TRAPPC9: variants seen among roughly 807,000 people sequenced by gnomAD.
TRAPPC9 encodes trafficking protein particle complex subunit 9, also known as IKK2 binding protein.
A neutral mutation model predicts 124.0 loss-of-function variants in TRAPPC9; 83 were observed. The ratio of observed to expected loss-of-function variants is 0.67; its 90% CI spans 0.56 to 0.80. The LOEUF (loss-of-function observed/expected upper bound fraction) is 0.80, where lower values mean the gene tolerates loss of function less well. TRAPPC9 is among the 30% of genes least tolerant of loss of function. The pLI is 0.00. For missense variants in TRAPPC9, 1,302 were observed against 1,508.3 expected (o/e 0.86, Z 2.27); for synonymous variants, 638 against 617.5 (o/e 1.03, Z -0.49).
intron 21 of TRAPPC9, among the ~76,000 whole-genome samples, chr8:139,794,818 G>A (rs1013045324): frequency 2.6e-5 from 4 of 152,168 alleles, no homozygotes; most frequent in South Asian, 2.1e-4. Context: ...TGTGGGAGTC[G>A]CCTACCATTC....
intron 17 of TRAPPC9, among the ~76,000 whole-genome samples, chr8:140,164,842 A>G (rs1436795668): frequency 3.3e-5 from 5 of 152,144 alleles, no homozygotes; most frequent in African/African-American, 1.2e-4. Flanking sequence ...TCCCCCGTAT[A>G]CAGCCTCTCC....
At chr8:140,179,565 A>T (rs921357727) in intron 17 of TRAPPC9, among the ~76,000 whole-genome samples, 1 of 152,100 alleles carries the variant, frequency 6.6e-6, no homozygotes, top group South Asian at 2.1e-4. Context: ...TTGTTAAGCA[A>T]TCTAGAAATG....
At chr8:139,784,608 C>CATATATATATAT (rs34583867) in intron 21 of TRAPPC9, among the ~76,000 whole-genome samples, 1,434 of 88,342 alleles carry the variant, frequency 0.016, 33 homozygotes, top group Middle Eastern at 0.031. Context: ...AAAAGACTGA[C>CATATATATATAT]ATATATATAT....
At chr8:139,817,213 A>T (rs1327527498) in intron 21 of TRAPPC9, among the ~76,000 whole-genome samples, 2 of 152,082 alleles carry the variant, frequency 1.3e-5, no homozygotes, top group Non-Finnish European at 2.9e-5. Flanking sequence ...GAGTTAAGTC[A>T]ATGAGGTTAG....
At chr8:139,853,012 A>T (rs961140436) in intron 21 of TRAPPC9, among the ~76,000 whole-genome samples, 1 of 152,190 alleles carries the variant, frequency 6.6e-6, no homozygotes, top group Admixed American at 6.5e-5. Context: ...TCATTCGCAA[A>T]GGTTCTTTGT....
chr8:140,315,058 A>G (rs1396839089), intron 9 of TRAPPC9, among the ~76,000 whole-genome samples: 3 of 152,172 alleles, frequency 2.0e-5, no homozygotes, highest in African/African-American at 7.2e-5. Flanking sequence ...TCCCACCAAT[A>G]GCGTGTAAAG....
At chr8:140,219,676 T>C (rs1410087123) in intron 17 of TRAPPC9, among the ~76,000 whole-genome samples, 2 of 152,142 alleles carry the variant, frequency 1.3e-5, no homozygotes, top group African/African-American at 4.8e-5. Context: ...GTCATTAAAC[T>C]ATCTCTTCGC....
intron 7 of TRAPPC9, among the ~76,000 whole-genome samples, chr8:140,394,162 T>C (rs2069019308): frequency 6.6e-6 from 1 of 152,238 alleles, no homozygotes; most frequent in Non-Finnish European, 1.5e-5. Flanking sequence ...CATGCCCAAT[T>C]GAGCAGCATT....
At chr8:140,105,228 G>A (rs915783130) in intron 17 of TRAPPC9, among the ~76,000 whole-genome samples, 4 of 152,216 alleles carry the variant, frequency 2.6e-5, no homozygotes, top group East Asian at 1.9e-4. Flanking sequence ...GGGAAATGGC[G>A]ACTGTGCTCA....
chr8:140,443,271 TA>T lies in TRAPPC9; in HGVS notation c.585-4075del, dbSNP rs1486808791. On this transcript the variant is annotated intron_variant, in intron 2 of 22. Transcript: ENST00000438773. The stretch of plus-strand genomic sequence containing the variant: ...TAACATGATGAAACCCCGTCTCTAC[TA>T]AAAAATACAAAAAATTAGCCAGGCG... Among the ~76,000 whole-genome samples, 88 of 144,726 alleles carry T rather than the reference TA, an allele frequency of 6.1e-4. 1 individual carries two copies. Among genetic ancestry groups the T allele is most frequent in the South Asian group, 3.2e-3 (14 of 4,404 alleles). 94.9% of individuals were successfully genotyped at this position (144,726 alleles called of 152,430 possible).
chr8:140,384,249 T>G (rs1263982925), intron 7 of TRAPPC9, among the ~76,000 whole-genome samples: 3 of 151,642 alleles, frequency 2.0e-5, no homozygotes, highest in Non-Finnish European at 4.4e-5. Context: ...AGAAACTGCA[T>G]CAATTAACGA....
intron 17 of TRAPPC9, among the ~76,000 whole-genome samples, chr8:140,112,457 T>A (rs190457962): frequency 1.3e-3 from 194 of 151,876 alleles, no homozygotes; most frequent in African/African-American, 4.4e-3. Context: ...AATGGAGAAT[T>A]CCAGACGATG....
At chr8:139,808,813 G>A (rs56108127) in intron 21 of TRAPPC9, among the ~76,000 whole-genome samples, 1,904 of 152,178 alleles carry the variant, frequency 0.013, 42 homozygotes, top group African/African-American at 0.044. Flanking sequence ...TTTTCTGGCT[G>A]AGTAGTATTC....
chr8:139,895,881 G>A (rs2131184826), intron 20 of TRAPPC9, among the ~76,000 whole-genome samples: 1 of 152,310 alleles, frequency 6.6e-6, no homozygotes, highest in South Asian at 2.1e-4. Flanking sequence ...GGCTTTGGAG[G>A]CAGGCAGCAG....
intron 21 of TRAPPC9, among the ~76,000 whole-genome samples, chr8:139,856,117 G>A (rs191757618): frequency 1.3e-5 from 2 of 152,266 alleles, no homozygotes; most frequent in East Asian, 3.9e-4. Flanking sequence ...CCAGGGACAC[G>A]GAGCACAGAC....
At chr8:140,197,230 T>C (rs1306427221) in intron 17 of TRAPPC9, among the ~76,000 whole-genome samples, 2 of 152,058 alleles carry the variant, frequency 1.3e-5, no homozygotes, top group Non-Finnish European at 2.9e-5. Flanking sequence ...TTGAGACAAA[T>C]GTAGGATAAT....
intron 17 of TRAPPC9, among the ~76,000 whole-genome samples, chr8:140,199,760 T>G (rs545474908): frequency 2.0e-5 from 3 of 152,156 alleles, no homozygotes; most frequent in Non-Finnish European, 4.4e-5. Context: ...AAAAACACTT[T>G]TGAGAATACA....
At chr8:140,021,193 T>C (rs1329903594) in intron 18 of TRAPPC9, among the ~76,000 whole-genome samples, 1 of 152,228 alleles carries the variant, frequency 6.6e-6, no homozygotes, top group East Asian at 1.9e-4. Flanking sequence ...CCTTCTTTCT[T>C]GATACCTCTT....
At chr8:140,125,894 C>T (rs1326784172) in intron 17 of TRAPPC9, among the ~76,000 whole-genome samples, 1 of 151,998 alleles carries the variant, frequency 6.6e-6, no homozygotes, top group East Asian at 1.9e-4. Flanking sequence ...TGCACTTGAC[C>T]ATCTTTAATT....
Sources: gnomAD v4.1 joint callset for allele counts (sites outside exome capture counted in the v4.1 genomes callset) on GRCh38, gnomAD v4.1.1 for gene constraint, MANE v1.5 for transcripts, NCBI Gene and HGNC (gene_info 2026-07-23, HGNC 2026-07-21) for gene names.